The following ATP10D variants were observed in gnomAD, a reference collection of about 807,000 sequenced individuals.
ATP10D encodes the protein ATPase phospholipid transporting 10D (putative), also known as phospholipid-transporting ATPase VD.
A neutral mutation model predicts 144.8 loss-of-function variants in ATP10D; 89 were observed. The ratio of observed to expected loss-of-function variants is 0.61; its 90% CI spans 0.52 to 0.73. The LOEUF (loss-of-function observed/expected upper bound fraction) is 0.73, where lower values mean the gene tolerates loss of function less well. ATP10D is among the 30% of genes least tolerant of loss of function. The pLI, the probability that ATP10D is intolerant of heterozygous loss-of-function variation, is 0.00. For synonymous variants in ATP10D, 571 were observed against 615.1 expected (o/e 0.93, Z 1.06); for missense variants, 1,603 against 1,714.8 (o/e 0.93, Z 1.15).
At chr4:47,486,185 C>T (rs916530829) in intron 1 of ATP10D, among the ~76,000 whole-genome samples, 2 of 152,090 alleles carry the variant, frequency 1.3e-5, no homozygotes, top group Non-Finnish European at 2.9e-5. Context: ...CGTTGTAAAA[C>T]ATGTAGTTTT....
At chr4:47,522,951 AAC>A in intron 3 of ATP10D, 59 bp from the exon 4 acceptor site, 1 of 1,357,170 alleles carries the variant, frequency 7.4e-7, no homozygotes, top group South Asian at 1.4e-5. Context: ...TTTTAAAAAA[AAC>A]ATTGTATGTA....
chr4:47,570,207 G>A (rs1719877844), intron 16 of ATP10D, among the ~76,000 whole-genome samples: 1 of 152,162 alleles, frequency 6.6e-6, no homozygotes, highest in African/African-American at 2.4e-5. Context: ...TTGGGACGTG[G>A]TCAGATGAAA....
In ATP10D at chr4:47,586,291, T is replaced by C. The variant is rs563014161; in HGVS notation, c.3754-728T>C. ...TTAAGAAAAATAATATTGCAAGATA[T>C]ACATGAATATGAAAGTAGCTAGGCT... On this transcript the variant is annotated intron_variant, in intron 21 of 22. Coordinates refer to ENST00000273859, the MANE Select transcript of ATP10D (RefSeq NM_020453.4). 6.5e-4 allele frequency among the ~76,000 whole-genome samples: 99 copies of C among 152,344 alleles called. 1 individual carries two copies. Among genetic ancestry groups the C allele is most frequent in the Middle Eastern group, 3.4e-3 (1 of 294 alleles).
chr4:47,499,381 A>C (rs1715564450), intron 1 of ATP10D, among the ~76,000 whole-genome samples: 1 of 152,198 alleles, frequency 6.6e-6, no homozygotes, highest in Non-Finnish European at 1.5e-5. Context: ...TCACTAAATA[A>C]ATCTTGCTGA....
At chr4:47,579,203 T>C (rs1720384732) in intron 19 of ATP10D, among the ~76,000 whole-genome samples, 1 of 152,226 alleles carries the variant, frequency 6.6e-6, no homozygotes, top group Non-Finnish European at 1.5e-5. Flanking sequence ...TTGACTATTG[T>C]CTCTTACTCT....
intron 1 of ATP10D, among the ~76,000 whole-genome samples, chr4:47,495,676 A>G (rs1055294061): frequency 6.6e-6 from 1 of 152,004 alleles, no homozygotes; most frequent in African/African-American, 2.4e-5. Flanking sequence ...GGTCTAAATC[A>G]TGCTTTAAAA....
intron 9 of ATP10D, 145 bp from the exon 10 acceptor site, chr4:47,546,479 C>T (rs760307975): frequency 5.1e-4 from 362 of 715,486 alleles, no homozygotes; most frequent in Middle Eastern, 3.2e-3. Context: ...AGTTCATTGA[C>T]CAAGGCTATG....
chr4:47,492,635 G>A (rs1234186607), intron 1 of ATP10D, among the ~76,000 whole-genome samples: 1 of 152,102 alleles, frequency 6.6e-6, no homozygotes, highest in East Asian at 1.9e-4. Flanking sequence ...GTCATGTGCT[G>A]AAGTAATTTT....
At chr4:47,521,777 G>A (rs568958483) in intron 3 of ATP10D, among the ~76,000 whole-genome samples, 1 of 152,250 alleles carries the variant, frequency 6.6e-6, no homozygotes, top group African/African-American at 2.4e-5. Context: ...CAGACACTAG[G>A]GAAAAGTTTG....
At chr4:47,559,334 C>T (rs1044572338) in intron 13 of ATP10D, among the ~76,000 whole-genome samples, 4 of 152,072 alleles carry the variant, frequency 2.6e-5, no homozygotes, top group Non-Finnish European at 5.9e-5. Flanking sequence ...ACTTTCTTTC[C>T]CCCAGGACTT....
rs746136776 is a variant in ATP10D at position 47,535,906 on chromosome 4, T to C, written c.888T>C (p.His296=). 16 of 1,611,312 alleles carry C rather than the reference T, an allele frequency of 9.9e-6. No individual in the cohort carries two copies. In the African/African-American group the frequency reaches 1.7e-4, roughly 18 times the overall value. The part of the protein sequence containing the change: ...AVVGIVVYAG[H]ETKAMLNNSG... ...CATACTGCACATCCTTCATAGGCCATGAAACCAAAGCAATGCTGAACAACA... is the reference window on the plus strand; with the variant it reads ...CATACTGCACATCCTTCATAGGCCACGAAACCAAAGCAATGCTGAACAACA... The change falls in exon 7 of 23, where the codon CAT becomes CAC. Residue 296 remains histidine, a synonymous_variant. Coordinates refer to ENST00000273859, the MANE Select transcript of ATP10D (RefSeq NM_020453.4).
intron 19 of ATP10D, among the ~76,000 whole-genome samples, chr4:47,578,738 A>T (rs1019015463): frequency 2.0e-5 from 3 of 152,194 alleles, no homozygotes; most frequent in African/African-American, 7.2e-5. Context: ...GAAGAAAGGC[A>T]GGCAGAATAT....
chr4:47,524,478 C>T (rs932290407), intron 4 of ATP10D, among the ~76,000 whole-genome samples: 4 of 152,144 alleles, frequency 2.6e-5, no homozygotes, highest in East Asian at 1.9e-4. Flanking sequence ...CACTACTTAA[C>T]GTTCTGTTGT....
At chr4:47,522,115 T>A (rs1716973897) in intron 3 of ATP10D, among the ~76,000 whole-genome samples, 1 of 152,254 alleles carries the variant, frequency 6.6e-6, no homozygotes, top group African/African-American at 2.4e-5. Flanking sequence ...TGTTAACTTT[T>A]GTTGGTGGCA....
At position 47,557,924 on chromosome 4, in the gene ATP10D, A is replaced by G. The variant is rs1395386717; in HGVS notation, c.2085A>G (p.Thr695=). The change falls in exon 12 of 23, where the codon ACA becomes ACG. Residue 695 remains threonine, a synonymous_variant. Coordinates refer to ENST00000273859, the MANE Select transcript of ATP10D (RefSeq NM_020453.4). The part of the protein sequence containing the change: ...CSSSSACCTE[T]EKQHGDAGLL... ...GTAGCTCAGCTTGCTGCACAGAAAC[A>G]GAGAAACAACACGGTGATGCAGGCC... 3 of 1,614,090 alleles carry G rather than the reference A, an allele frequency of 1.9e-6. No homozygotes were observed. Among genetic ancestry groups the G allele is most frequent in the East Asian group, 2.2e-5 (1 of 44,896 alleles).
At chr4:47,585,538 A>T (rs777943440) in intron 21 of ATP10D, among the ~76,000 whole-genome samples, 1 of 152,174 alleles carries the variant, frequency 6.6e-6, no homozygotes, top group Non-Finnish European at 1.5e-5. Context: ...ATATATAATT[A>T]TTATTGACTA....
chr4:47,548,807 G>A (rs1003740273), intron 10 of ATP10D, among the ~76,000 whole-genome samples: 1 of 152,166 alleles, frequency 6.6e-6, no homozygotes, highest in Non-Finnish European at 1.5e-5. Context: ...GTCTAAACAA[G>A]TTGATTTTAT....
At position 47,581,940 on chromosome 4, in the gene ATP10D, C is replaced by T; in HGVS notation, c.3649-20C>T. 1 of 1,595,134 alleles carries T rather than the reference C, an allele frequency of 6.3e-7. No homozygotes were observed. The highest frequency in any genetic ancestry group is 8.6e-7 in the Non-Finnish European group (1 of 1,162,978). On this transcript the variant is annotated intron_variant, in intron 20 of 22. Transcript: ENST00000273859. ...AAGTTGCACAACTCTCCAGGATCAT[C>T]TAATGTCCTCTCTTTGTAGACCTAC... is the stretch of plus-strand genomic sequence containing the variant.
rs767982500 is a variant in ATP10D at position 47,554,922 on chromosome 4, A to G, written c.1824+8A>G. 1 of 1,612,354 alleles carries G rather than the reference A, an allele frequency of 6.2e-7. No homozygotes were observed. The stretch of plus-strand genomic sequence containing the variant: ...AACCAACCCCGACAAAAGGTGAGTA[A>G]GTTCTCTAATGCAAACAAGGGTCAC... On this transcript the variant is annotated splice_region_variant and intron_variant, in intron 11 of 22. Transcript: ENST00000273859.
Sources: gnomAD v4.1 joint callset for allele counts (sites outside exome capture counted in the v4.1 genomes callset) on GRCh38, gnomAD v4.1.1 for gene constraint, MANE v1.5 for transcripts, NCBI Gene and HGNC (gene_info 2026-07-23, HGNC 2026-07-21) for gene names.